The following CHRM3 variants were observed in gnomAD, a reference collection of about 807,000 sequenced individuals.
CHRM3 encodes the protein cholinergic receptor muscarinic 3.
Under a neutral mutation model 41.8 loss-of-function variants are expected in CHRM3, and 11 were observed. That is an observed-to-expected ratio of 0.26 (90% CI 0.17 to 0.44). CHRM3 has a LOEUF of 0.44. Ranked by LOEUF, CHRM3 falls within the 20% of genes least tolerant of loss-of-function variation. The pLI is 1.00. For synonymous variants in CHRM3, 297 were observed against 301.4 expected, an observed-to-expected ratio of 0.99 and a Z score of 0.15; for missense variants, 571 against 745.4, an observed-to-expected ratio of 0.77 and a Z score of 2.72.
chr1:239,580,704 T>TATATATATATATATATATACACAC (rs570878631), intron 3 of CHRM3, among the ~76,000 whole-genome samples: 2 of 131,080 alleles, frequency 1.5e-5, no homozygotes, highest in African/African-American at 5.7e-5. Context: ...TATATATATA[T>TATATATATATATATATATACACAC]ACACACACAC....
At chr1:239,869,020 A>T (rs1345867341) in intron 6 of CHRM3, among the ~76,000 whole-genome samples, 1 of 152,026 alleles carries the variant, frequency 6.6e-6, no homozygotes, top group Non-Finnish European at 1.5e-5. Context: ...CTGGGAGTGT[A>T]CTCTTAGGAG....
rs542488337 is a variant in CHRM3 at position 239,802,735 on chromosome 1, C to A, written c.-146-24517C>A. The stretch of plus-strand genomic sequence containing the variant: ...ACCTCAGCCTCCCGTGTAGCTGGGA[C>A]TACAGGTGTGCACCACCACGCCCAG... On this transcript the variant is annotated intron_variant, in intron 5 of 6. Transcript: ENST00000676153. 1.4e-4 allele frequency among the ~76,000 whole-genome samples: 22 copies of A among 152,172 alleles called. No individual in the cohort carries two copies. The South Asian group carries it at 4.4e-3, about 30-fold the overall frequency.
intron 6 of CHRM3, among the ~76,000 whole-genome samples, chr1:239,850,594 C>G (rs757248038): frequency 6.6e-6 from 1 of 152,160 alleles, no homozygotes; most frequent in East Asian, 1.9e-4. Context: ...TAATCTGGCT[C>G]TGTCTCCCCA....
At chr1:239,684,069 C>G (rs1054005610) in intron 5 of CHRM3, among the ~76,000 whole-genome samples, 2 of 152,314 alleles carry the variant, frequency 1.3e-5, no homozygotes, top group South Asian at 2.1e-4. Flanking sequence ...GGATTCCTAA[C>G]CCATATTCCC....
intron 4 of CHRM3, among the ~76,000 whole-genome samples, chr1:239,662,105 ATGTGTGTGTGTG>A (rs57202092): frequency 2.4e-3 from 352 of 144,828 alleles, no homozygotes; most frequent in African/African-American, 7.7e-3. Context: ...TCAGTTTTAG[ATGTGTGTGTGTG>A]TGTGTGTGTG....
chr1:239,892,387 C>T (rs761336439), intron 6 of CHRM3, among the ~76,000 whole-genome samples: 5 of 152,116 alleles, frequency 3.3e-5, no homozygotes, highest in East Asian at 1.9e-4. Flanking sequence ...TTTATTCTTG[C>T]GTACCAAGTT....
chr1:239,654,237 G>A (rs1339567777), intron 4 of CHRM3, among the ~76,000 whole-genome samples: 1 of 152,134 alleles, frequency 6.6e-6, no homozygotes, highest in Admixed American at 6.6e-5. Context: ...CGTAAATCCT[G>A]GGATTACAGG....
chr1:239,804,515 T>C (rs1212899720), intron 5 of CHRM3, among the ~76,000 whole-genome samples: 1 of 152,188 alleles, frequency 6.6e-6, no homozygotes, highest in African/African-American at 2.4e-5. Flanking sequence ...CTACCACTTA[T>C]TACTGTTGCC....
intron 5 of CHRM3, among the ~76,000 whole-genome samples, chr1:239,725,800 G>T (rs1374289541): frequency 3.3e-5 from 5 of 151,856 alleles, no homozygotes; most frequent in Non-Finnish European, 7.4e-5. Flanking sequence ...GGGTAGCTTT[G>T]GGTAAAAATA....
chr1:239,599,329 T>A (rs1665213000), intron 3 of CHRM3, among the ~76,000 whole-genome samples: 1 of 152,082 alleles, frequency 6.6e-6, no homozygotes, highest in African/African-American at 2.4e-5. Flanking sequence ...TTCTTATCCA[T>A]TGTCAGTCTT....
At chr1:239,751,160 C>G (rs970828584) in intron 5 of CHRM3, among the ~76,000 whole-genome samples, 4 of 151,712 alleles carry the variant, frequency 2.6e-5, no homozygotes, top group Non-Finnish European at 2.9e-5. Flanking sequence ...ATTGCTTGAA[C>G]CCGGGAGGCA....
intron 6 of CHRM3, among the ~76,000 whole-genome samples, chr1:239,904,307 A>G (rs1679802436): frequency 6.6e-6 from 1 of 152,194 alleles, no homozygotes; most frequent in Non-Finnish European, 1.5e-5. Context: ...TCTAAAGAGG[A>G]CCAAATGCCA....
At position 239,739,845 on chromosome 1, in the gene CHRM3, G is replaced by A. The variant is rs75819785; in HGVS notation, c.-147+61557G>A. Reference sequence around the variant, plus strand: ...TTTGGATTGTTCTTGCACTCTGCTGGCTGATGGGCCCTTCACATCTGGAGG... The same window carrying A: ...TTTGGATTGTTCTTGCACTCTGCTGACTGATGGGCCCTTCACATCTGGAGG... On this transcript the variant is annotated intron_variant, in intron 5 of 6. Coordinates refer to ENST00000676153, the MANE Select transcript of CHRM3 (RefSeq NM_001375978.1). Among the ~76,000 whole-genome samples the A allele has an allele frequency of 9.0e-3, 1,366 of 152,252 alleles. 15 individuals are homozygous for A. The highest frequency in any genetic ancestry group is 0.031 in the African/African-American group (1,287 of 41,544).
intron 4 of CHRM3, among the ~76,000 whole-genome samples, chr1:239,659,138 G>A (rs1478506520): frequency 1.3e-5 from 2 of 152,116 alleles, no homozygotes; most frequent in Non-Finnish European, 2.9e-5. Flanking sequence ...AGGTTAACAG[G>A]TATGAGTTCC....
rs76335504 is a variant in CHRM3, at chr1:239,858,658, C to T, written c.-20+31280C>T. ...TTTTAAAGTGTACACAATTCAGTGG[C>T]ATTTAATTCATTCAGTGTTGGTACC... is the stretch of plus-strand genomic sequence containing the variant. On this transcript the variant is annotated intron_variant, in intron 6 of 6. Coordinates refer to ENST00000676153, the MANE Select transcript of CHRM3 (RefSeq NM_001375978.1). 3.1e-3 allele frequency among the ~76,000 whole-genome samples: 471 copies of T among 152,100 alleles called. 9 individuals are homozygous for T. The East Asian group carries it at 0.054, about 17-fold the overall frequency.
At chr1:239,410,633 T>C (rs1317931106) in intron 1 of CHRM3, among the ~76,000 whole-genome samples, 3 of 152,168 alleles carry the variant, frequency 2.0e-5, no homozygotes, top group African/African-American at 7.2e-5. Context: ...CCCGTATGGA[T>C]TCCTCTCTGG....
rs935430535 is a variant in CHRM3 at position 239,548,699 on chromosome 1, C to T, written c.-313+2950C>T. On this transcript the variant is annotated intron_variant, in intron 3 of 6. Coordinates refer to ENST00000676153, the MANE Select transcript of CHRM3 (RefSeq NM_001375978.1). ...AGGCCTGGTTGCTGTGTTGCTGTCC[C>T]TTTGTGAGGGCCTGGGTGAGAGATG... 6.6e-5 allele frequency among the ~76,000 whole-genome samples: 10 copies of T among 152,268 alleles called. No homozygotes were observed. In the East Asian group the frequency reaches 1.9e-3, roughly 29 times the overall value.
At chr1:239,516,368 G>A (rs1037589547) in intron 2 of CHRM3, among the ~76,000 whole-genome samples, 2 of 152,222 alleles carry the variant, frequency 1.3e-5, no homozygotes, top group Admixed American at 6.5e-5. Flanking sequence ...CACGATACTC[G>A]CAAAAAGCTG....
intron 6 of CHRM3, among the ~76,000 whole-genome samples, chr1:239,899,116 A>G (rs1406086120): frequency 1.3e-5 from 2 of 152,148 alleles, no homozygotes; most frequent in Non-Finnish European, 2.9e-5. Flanking sequence ...CTATAGACAT[A>G]ATTTTATACG....
Sources: allele counts gnomAD v4.1 joint callset (sites outside exome capture counted in the v4.1 genomes callset), GRCh38; gene constraint gnomAD v4.1.1; transcripts MANE v1.5; gene names NCBI Gene and HGNC (gene_info 2026-07-23, HGNC 2026-07-21).